FAM135A: variants seen among roughly 807,000 people sequenced by gnomAD.
The protein encoded by FAM135A is protein FAM135A.
In FAM135A, 79 loss-of-function variants were observed where a neutral mutation model predicts 146.8. That is an observed-to-expected ratio of 0.54 (90% confidence interval 0.45 to 0.65). The LOEUF is 0.65. Among genes scored for constraint, FAM135A ranks in the 30% least tolerant of loss-of-function variants. The pLI is 0.00. For missense variants in FAM135A, 1,623 were observed against 1,758.2 expected, an observed-to-expected ratio of 0.92 and a Z score of 1.38; for synonymous variants, 562 against 603.6, an observed-to-expected ratio of 0.93 and a Z score of 1.01.
Position 70,482,093 on chromosome 6 carries a change from A to G in FAM135A, c.762A>G (p.Gly254=). The G allele has an allele frequency of 1.2e-6, 2 of 1,613,750 alleles. No homozygotes were observed. Among genetic ancestry groups the G allele is most frequent in the Non-Finnish European group, 1.7e-6 (2 of 1,179,800 alleles). The stretch of plus-strand genomic sequence containing the variant: ...CCACTTTGCTGCTAGCCTTCAAGGG[A>G]TTGCACAGCTACTTCATTACAGTAA... The part of the protein sequence containing the change: ...LCATLLLAFK[G]LHSYFITVTE... The change falls in exon 10 of 22, where the codon GGA becomes GGG. Residue 254 remains glycine, a synonymous_variant. Coordinates refer to ENST00000418814, the MANE Select transcript of FAM135A (RefSeq NM_001162529.3).
chr6:70,559,904 C>G lies in FAM135A; in HGVS notation c.4531C>G (p.Leu1511Val). The G allele has an allele frequency of 6.2e-7, 1 of 1,612,962 alleles. No individual in the cohort carries two copies. Among genetic ancestry groups the G allele is most frequent in the South Asian group, 1.1e-5 (1 of 90,990 alleles). ...FLEKFFLVAA[L>V]KYFQ Reference sequence around the variant, plus strand: ...AGAGAAATTCTTTCTGGTTGCTGCCCTCAAATATTTCCAATAGTATAAAAG... The same window carrying G: ...AGAGAAATTCTTTCTGGTTGCTGCCGTCAAATATTTCCAATAGTATAAAAG... Residue 1511 changes from leucine to valine, a missense_variant, in exon 22 of 22, where the codon CTC becomes GTC. This residue lies in a region of FAM135A where 138 missense variants were observed against 174.1 expected (regional missense o/e 0.79). Coordinates refer to ENST00000418814, the MANE Select transcript of FAM135A (RefSeq NM_001162529.3).
intron 4 of FAM135A, 40 bp downstream of exon 4, chr6:70,428,459 A>G: frequency 7.2e-7 from 1 of 1,391,744 alleles, no homozygotes; most frequent in Non-Finnish European, 9.8e-7. Context: ...TTTGCATAAG[A>G]TGTACAGTTT....
chr6:70,548,206 T>C (rs886224105), intron 20 of FAM135A, among the ~76,000 whole-genome samples: 3 of 152,068 alleles, frequency 2.0e-5, no homozygotes, highest in Non-Finnish European at 4.4e-5. Context: ...GCCAAAAGGT[T>C]CAAAAAGGGC....
At chr6:70,422,544 A>G (rs1769094325) in intron 2 of FAM135A, among the ~76,000 whole-genome samples, 1 of 152,218 alleles carries the variant, frequency 6.6e-6, no homozygotes, top group Non-Finnish European at 1.5e-5. Flanking sequence ...AGGTAGATTA[A>G]AGGAAATTAG....
At chr6:70,433,049 C>T (rs937158470) in intron 4 of FAM135A, among the ~76,000 whole-genome samples, 5 of 150,444 alleles carry the variant, frequency 3.3e-5, no homozygotes, top group Admixed American at 1.3e-4. Flanking sequence ...CTAGGATGTC[C>T]GTATAATTTA....
chr6:70,484,407 A>G lies in FAM135A; in HGVS notation c.823+2253A>G, dbSNP rs866945672. ...AAAAAAATCCTCTCTAAAAGGTAGTATGTTTATTGGTAAAATTTATAATTA... is the reference window on the plus strand; with the variant it reads ...AAAAAAATCCTCTCTAAAAGGTAGTGTGTTTATTGGTAAAATTTATAATTA... On this transcript the variant is annotated intron_variant, in intron 10 of 21. Transcript: ENST00000418814. Among the ~76,000 whole-genome samples, 4 of 152,194 alleles carry G rather than the reference A, an allele frequency of 2.6e-5. No homozygotes were observed. In the South Asian group the frequency reaches 6.2e-4, roughly 24 times the overall value.
chr6:70,444,539 TG>T (rs1437666250), intron 4 of FAM135A, among the ~76,000 whole-genome samples: 1 of 152,158 alleles, frequency 6.6e-6, no homozygotes, highest in Non-Finnish European at 1.5e-5. Context: ...TACTTCAGCC[TG>T]GGTGACAGAG....
chr6:70,472,101 G>A (rs6900840), intron 5 of FAM135A, among the ~76,000 whole-genome samples: 40,870 of 151,998 alleles, frequency 0.27, 7,065 homozygotes, highest in African/African-American at 0.49. Flanking sequence ...GAGACAAAGA[G>A]TGTCTCAAAG....
rs190027264 is a variant in FAM135A, at chr6:70,440,659, A to G, written c.78-11833A>G. ...GCTGAGATTGCACCATTGCACTCCA[A>G]CCTGGGCAATAAGAGCTTTTTTGTA... On this transcript the variant is annotated intron_variant, in intron 4 of 21. Transcript: ENST00000418814. 1.7e-4 allele frequency among the ~76,000 whole-genome samples: 26 copies of G among 152,290 alleles called. No homozygotes were observed. The East Asian group carries it at 3.9e-3, about 23-fold the overall frequency.
At chr6:70,447,902 T>C (rs1776163296) in intron 4 of FAM135A, among the ~76,000 whole-genome samples, 2 of 152,206 alleles carry the variant, frequency 1.3e-5, no homozygotes, top group African/African-American at 2.4e-5. Flanking sequence ...TTGCCTGTGC[T>C]AGCAGAGTAG....
At chr6:70,454,030 C>G (rs1163608517) in intron 5 of FAM135A, among the ~76,000 whole-genome samples, 2 of 152,210 alleles carry the variant, frequency 1.3e-5, no homozygotes, top group Non-Finnish European at 2.9e-5. Context: ...CTCCCACCAA[C>G]AGTGTAAAAA....
chr6:70,534,316 T>TTTTTC (rs1796398388), intron 18 of FAM135A, among the ~76,000 whole-genome samples: 1 of 138,450 alleles, frequency 7.2e-6, no homozygotes, highest in African/African-American at 2.8e-5. Context: ...TGTATACTTT[T>TTTTTC]TTTTTTTTTT....
intron 11 of FAM135A, among the ~76,000 whole-genome samples, chr6:70,498,676 T>C (rs1475453397): frequency 1.3e-5 from 2 of 152,242 alleles, no homozygotes; most frequent in Non-Finnish European, 2.9e-5. Flanking sequence ...GTACATTGTC[T>C]CTTTGTTCTC....
intron 4 of FAM135A, among the ~76,000 whole-genome samples, 185 bp downstream of exon 4, chr6:70,428,604 A>G (rs1170396692): frequency 6.6e-6 from 1 of 152,204 alleles, no homozygotes; most frequent in East Asian, 1.9e-4. Context: ...GAATTTAATG[A>G]TAATGCTGGA....
At chr6:70,491,454 G>T (rs576067797) in intron 11 of FAM135A, among the ~76,000 whole-genome samples, 2 of 151,894 alleles carry the variant, frequency 1.3e-5, no homozygotes, top group Non-Finnish European at 3.0e-5. Flanking sequence ...AGATCAATTT[G>T]CTTCTCAGAT....
chr6:70,418,161 T>A (rs775633074), intron 2 of FAM135A, among the ~76,000 whole-genome samples: 2 of 152,184 alleles, frequency 1.3e-5, no homozygotes, highest in Non-Finnish European at 2.9e-5. Context: ...AGTGTAATGA[T>A]TCTACTAAGC....
intron 5 of FAM135A, among the ~76,000 whole-genome samples, chr6:70,467,142 G>A (rs540274163): frequency 1.2e-4 from 18 of 152,256 alleles, no homozygotes; most frequent in African/African-American, 3.4e-4. Context: ...GCATCTAAAA[G>A]TCTTTTCATT....
chr6:70,516,471 C>T (rs1034217439), intron 12 of FAM135A, among the ~76,000 whole-genome samples: 3 of 150,766 alleles, frequency 2.0e-5, no homozygotes, highest in South Asian at 2.1e-4. Context: ...ACCAGAGTGT[C>T]AGTGAATTCT....
intron 11 of FAM135A, among the ~76,000 whole-genome samples, chr6:70,497,854 T>C (rs889906570): frequency 1.3e-5 from 2 of 152,252 alleles, no homozygotes; most frequent in Non-Finnish European, 2.9e-5. Context: ...ATCTTTTTGA[T>C]GTGCTGCTGG....
Sources: allele counts gnomAD v4.1 joint callset (sites outside exome capture counted in the v4.1 genomes callset), GRCh38; gene constraint gnomAD v4.1.1; regional missense constraint gnomAD v4.1.1; transcripts MANE v1.5; gene names NCBI Gene and HGNC (gene_info 2026-07-23, HGNC 2026-07-21).